IQCF3: variants seen among roughly 807,000 people sequenced by gnomAD.
IQCF3 encodes the protein IQ domain-containing protein F3.
A neutral mutation model predicts 5.1 loss-of-function variants in IQCF3; 7 were observed. That is an observed-to-expected ratio of 1.36 (90% CI 0.78 to 2.56). IQCF3 has a LOEUF of 2.56. Among genes scored for constraint, IQCF3 ranks in the 30% most tolerant of loss-of-function variants. The probability of loss-of-function intolerance (pLI) is 0.00; values close to 1 mark genes in which losing one functional copy is unlikely to be tolerated. For missense variants in IQCF3, 189 were observed against 196.5 expected, an observed-to-expected ratio of 0.96 and a Z score of 0.23; for synonymous variants, 82 against 72.8, an observed-to-expected ratio of 1.13 and a Z score of -0.64.
Position 51,830,350 on chromosome 3 carries a change from C to G in IQCF3, c.67-53C>G. ...AGAGGGCTGATTCTTTAGAGAACCACCTGTGCTTGATGGTGATAAATTCAC... is the reference window on the plus strand; with the variant it reads ...AGAGGGCTGATTCTTTAGAGAACCAGCTGTGCTTGATGGTGATAAATTCAC... On this transcript the variant is annotated intron_variant, in intron 2 of 2. Coordinates refer to ENST00000440739, the MANE Select transcript of IQCF3 (RefSeq NM_001393887.1). This position sits in a 1 kb window ranked among gnomAD's most constrained non-coding sequence, Gnocchi z 4.1. 1 of 1,511,416 alleles carries G rather than the reference C, an allele frequency of 6.6e-7. No homozygotes were observed. Among genetic ancestry groups the G allele is most frequent in the Non-Finnish European group, 8.8e-7 (1 of 1,131,132 alleles). The allele number at this position is 1,511,416 out of a possible 1,614,324, so 93.6% of individuals were successfully genotyped here. A position where few individuals can be genotyped will look rare whatever the true frequency, so the allele number is the denominator to read the frequency against.
Position 51,830,556 on chromosome 3 carries a change from C to T in IQCF3, c.220C>T (p.Arg74Trp), listed in dbSNP as rs200102944. 111 of 1,613,964 alleles carry T rather than the reference C, an allele frequency of 6.9e-5. No homozygotes were observed. Among genetic ancestry groups the T allele is most frequent in the Middle Eastern group, 1.6e-4 (1 of 6,062 alleles). ...CTGGTGGAGGACGTTGGTGCAGAGACGGATCCGTCAGCGGCGGCAGGCCCT... is the reference window on the plus strand; with the variant it reads ...CTGGTGGAGGACGTTGGTGCAGAGATGGATCCGTCAGCGGCGGCAGGCCCT... ...QCWWRTLVQR[R>W]IRQRRQALLR... The change falls in exon 3 of 3, where the codon CGG (arginine) becomes TGG (tryptophan). Residue 74 changes from arginine to tryptophan, a missense_variant. By Grantham distance (101) the Arg-to-Trp change is moderately radical. Coordinates refer to ENST00000440739, the MANE Select transcript of IQCF3 (RefSeq NM_001393887.1). The surrounding 1 kb of genome is among the most constrained non-coding windows in gnomAD (Gnocchi z 4.1).
intron 2 of IQCF3, 90 bp downstream of exon 2, chr3:51,829,802 C>A: frequency 7.7e-7 from 1 of 1,299,888 alleles, no homozygotes; most frequent in East Asian, 2.4e-5. Context: ...TCTGGCTCAG[C>A]ATTGCCCTCT....
upstream of IQCF3, chr3:51,828,882 A>T (rs1230464589): frequency 1.3e-5 from 2 of 152,536 alleles, no homozygotes; most frequent in African/African-American, 4.8e-5. Flanking sequence ...TTCCTGCTTC[A>T]GTCTCGGGAG....
At position 51,829,502 on chromosome 3, in the gene IQCF3, CA is replaced by C; in HGVS notation, c.18+10del. On this transcript the variant is annotated intron_variant, in intron 1 of 2. Coordinates refer to ENST00000440739, the MANE Select transcript of IQCF3 (RefSeq NM_001393887.1). ...TGGGCAGTAAATGCTGTGTAAGACT[CA>C]GGCACACAAACTCCCCCAGGGGTGG... The C allele has an allele frequency of 6.3e-7, 1 of 1,597,986 alleles. No individual in the cohort carries two copies. Among genetic ancestry groups the C allele is most frequent in the Non-Finnish European group, 8.5e-7 (1 of 1,172,254 alleles).
At chr3:51,829,153 G>A (rs560456698), upstream of IQCF3, 2 of 363,110 alleles carry the variant, frequency 5.5e-6, no homozygotes, top group Admixed American at 4.3e-5. Flanking sequence ...ATTGTAAAGG[G>A]GCAATGGATT....
At chr3:51,828,327 T>C (rs544338225), upstream of IQCF3, 1 of 143,010 alleles carries the variant, frequency 7.0e-6, no homozygotes, top group South Asian at 2.1e-4. Flanking sequence ...ATGGCTCTTA[T>C]TATTTTGAGG....
rs780495948 is a variant in IQCF3, at chr3:51,830,499, GT to G, written c.165del (p.Ala56LeufsTer7). The G allele has an allele frequency of 6.2e-7, 1 of 1,613,922 alleles. No individual in the cohort carries two copies. Among genetic ancestry groups the G allele is most frequent in the Non-Finnish European group, 8.5e-7 (1 of 1,179,842 alleles). On this transcript the variant is annotated frameshift_variant, in exon 3 of 3. Coordinates refer to ENST00000440739, the MANE Select transcript of IQCF3 (RefSeq NM_001393887.1). LOFTEE classifies it low-confidence loss of function (END_TRUNC). This position sits in a 1 kb window ranked among gnomAD's most constrained non-coding sequence, Gnocchi z 4.1. Reference sequence around the variant, plus strand: ...GGTCCTGGTGCGCAGGACCCTGCTGGTTGCTGCCCTCAGGGCCTGGATGATT... The same window carrying G: ...GGTCCTGGTGCGCAGGACCCTGCTGGTGCTGCCCTCAGGGCCTGGATGATT... ...RGVLVRRTLL[V>X]AALRAWMIQC... is the part of the protein sequence containing the mutation.
rs199520259 is a variant in IQCF3 at position 51,830,693 on chromosome 3, C to T, written c.357C>T (p.Phe119=). Residue 119 remains phenylalanine (F), a synonymous_variant, in exon 3 of 3, where the codon TTC becomes TTT. Coordinates refer to ENST00000440739, the MANE Select transcript of IQCF3 (RefSeq NM_001393887.1). This position sits in a 1 kb window ranked among gnomAD's most constrained non-coding sequence, Gnocchi z 4.1. ...AAATGTGCAATGCTCTCTGCTTGTT[C>T]CAGGTCCCAGAGAGCAGCCTTGCCT... The part of the protein sequence containing the change: ...YRQMCNALCL[F]QVPESSLAFQ... The T allele has an allele frequency of 8.1e-6, 13 of 1,613,892 alleles. No individual in the cohort carries two copies. The highest frequency in any genetic ancestry group is 1.3e-5 in the African/African-American group (1 of 74,922).
At position 51,829,449 on chromosome 3, in the gene IQCF3, T is replaced by G; in HGVS notation, c.-27T>G. 1 of 1,592,464 alleles carries G rather than the reference T, an allele frequency of 6.3e-7. No individual in the cohort carries two copies. The highest frequency in any genetic ancestry group is 1.1e-5 in the South Asian group (1 of 87,162). ...TCAGGAAACAGCAACCAGAGGGAGA[T>G]GATCACCTGAACCACTGCTCCAAAC... On this transcript the variant is annotated 5_prime_UTR_variant, in exon 1 of 3. It removes an upstream start codon present in the reference 5' UTR. Coordinates refer to ENST00000440739, the MANE Select transcript of IQCF3 (RefSeq NM_001393887.1).
upstream of IQCF3, chr3:51,829,283 C>A: frequency 8.0e-6 from 5 of 624,154 alleles, no homozygotes; most frequent in Non-Finnish European, 1.5e-5. Flanking sequence ...GAGAGTTGCC[C>A]AAGGAAGTCA....
upstream of IQCF3, chr3:51,829,412 C>A (rs1425294974): frequency 1.9e-6 from 3 of 1,553,764 alleles, no homozygotes; most frequent in African/African-American, 1.4e-5. Context: ...ACCTTTCCTG[C>A]CCCTGCCAAG....
chr3:51,827,845 G>A (rs927685826), upstream of IQCF3, among the ~76,000 whole-genome samples: 4 of 152,016 alleles, frequency 2.6e-5, no homozygotes, highest in Admixed American at 6.6e-5. Context: ...CCCAGTGTCT[G>A]TTGTTTCCCT....
chr3:51,829,527 G>T, intron 1 of IQCF3, 34 bp downstream of exon 1: 2 of 1,596,336 alleles, frequency 1.3e-6, no homozygotes, highest in East Asian at 2.3e-5. Context: ...CCCCAGGGGT[G>T]GGAGTTGTCC....
Position 51,830,782 on chromosome 3 carries a change from T to C in IQCF3, c.446T>C (p.Ile149Thr), listed in dbSNP as rs1414150137. 7 of 1,582,758 alleles carry C rather than the reference T, an allele frequency of 4.4e-6. No homozygotes were observed. In the Admixed American group the frequency reaches 1.0e-4, roughly 23 times the overall value. Reference protein sequence around the residue: ...AIPSKQPEFHIEILSI With the variant: ...AIPSKQPEFHTEILSI The stretch of plus-strand genomic sequence containing the variant: ...CCTTCAAAGCAGCCAGAGTTCCACA[T>C]TGAAATCCTATCAATCTGAAAGGCC... Residue 149 changes from isoleucine to threonine, a missense_variant, in exon 3 of 3, where the codon ATT (isoleucine) becomes ACT (threonine). Coordinates refer to ENST00000440739, the MANE Select transcript of IQCF3 (RefSeq NM_001393887.1). This position sits in a 1 kb window ranked among gnomAD's most constrained non-coding sequence, Gnocchi z 4.1.
Position 51,830,465 on chromosome 3 carries a change from G to T in IQCF3, c.129G>T (p.Trp43Cys). ...AGGCAGCTGGGCAGATCCAGGCCTGGTGGCGTGGGGTCCTGGTGCGCAGGA... is the reference window on the plus strand; with the variant it reads ...AGGCAGCTGGGCAGATCCAGGCCTGTTGGCGTGGGGTCCTGGTGCGCAGGA... ...RVKAAGQIQA[W>C]WRGVLVRRTL... The change falls in exon 3 of 3, where the codon TGG (tryptophan) becomes TGT (cysteine). Residue 43 changes from tryptophan to cysteine, a missense_variant. Coordinates refer to ENST00000440739, the MANE Select transcript of IQCF3 (RefSeq NM_001393887.1). This position sits in a 1 kb window ranked among gnomAD's most constrained non-coding sequence, Gnocchi z 4.1. The T allele has an allele frequency of 6.2e-7, 1 of 1,604,356 alleles. No homozygotes were observed. The highest frequency in any genetic ancestry group is 1.1e-5 in the South Asian group (1 of 89,426).
Position 51,830,711 on chromosome 3 carries a change from C to A in IQCF3, c.375C>A (p.Ser125Arg), listed in dbSNP as rs367973088. The A allele has an allele frequency of 3.1e-6, 5 of 1,613,886 alleles. No individual in the cohort carries two copies. The highest frequency in any genetic ancestry group is 8.5e-7 in the Non-Finnish European group (1 of 1,179,816). Residue 125 changes from serine to arginine, a missense_variant, in exon 3 of 3, where the codon AGC (serine) becomes AGA (arginine). Coordinates refer to ENST00000440739, the MANE Select transcript of IQCF3 (RefSeq NM_001393887.1). This position sits in a 1 kb window ranked among gnomAD's most constrained non-coding sequence, Gnocchi z 4.1. ...ALCLFQVPES[S>R]LAFQTDGFLQ... is the part of the protein sequence containing the mutation. ...GCTTGTTCCAGGTCCCAGAGAGCAG[C>A]CTTGCCTTCCAGACTGATGGCTTTT...
At position 51,830,474 on chromosome 3, in the gene IQCF3, G is replaced by T. The variant is rs200723100; in HGVS notation, c.138G>T (p.Gly46=). ...AAGQIQAWWR[G]VLVRRTLLVA... Reference sequence around the variant, plus strand: ...GGCAGATCCAGGCCTGGTGGCGTGGGGTCCTGGTGCGCAGGACCCTGCTGG... The same window carrying T: ...GGCAGATCCAGGCCTGGTGGCGTGGTGTCCTGGTGCGCAGGACCCTGCTGG... The change falls in exon 3 of 3, where the codon GGG becomes GGT. Residue 46 remains glycine (G), a synonymous_variant. Transcript: ENST00000440739. This position sits in a 1 kb window ranked among gnomAD's most constrained non-coding sequence, Gnocchi z 4.1. The T allele has an allele frequency of 1.6e-5, 26 of 1,608,658 alleles. No individual in the cohort carries two copies. In the East Asian group the frequency reaches 5.8e-4, roughly 36 times the overall value.
In IQCF3 at chr3:51,830,502, G is replaced by T; in HGVS notation, c.166G>T (p.Ala56Ser). Residue 56 changes from alanine to serine, a missense_variant, in exon 3 of 3, where the codon GCT (alanine) becomes TCT (serine). Transcript: ENST00000440739. This position sits in a 1 kb window ranked among gnomAD's most constrained non-coding sequence, Gnocchi z 4.1. ...GVLVRRTLLVAALRAWMIQCW... is the reference protein window; with the variant it reads ...GVLVRRTLLVSALRAWMIQCW... ...CCTGGTGCGCAGGACCCTGCTGGTT[G>T]CTGCCCTCAGGGCCTGGATGATTCA... 1 of 1,613,960 alleles carries T rather than the reference G, an allele frequency of 6.2e-7. No homozygotes were observed. The highest frequency in any genetic ancestry group is 8.5e-7 in the Non-Finnish European group (1 of 1,179,866).
In IQCF3 at chr3:51,830,698, T is replaced by C. The variant is rs1481482740; in HGVS notation, c.362T>C (p.Val121Ala). The change falls in exon 3 of 3, where the codon GTC becomes GCC. Residue 121 changes from valine to alanine, a missense_variant. By Grantham distance (64) the Val-to-Ala change is moderately conservative. Transcript: ENST00000440739. The surrounding 1 kb of genome is among the most constrained non-coding windows in gnomAD (Gnocchi z 4.1). Reference protein sequence around the residue: ...QMCNALCLFQVPESSLAFQTD... With the variant: ...QMCNALCLFQAPESSLAFQTD... ...TGCAATGCTCTCTGCTTGTTCCAGG[T>C]CCCAGAGAGCAGCCTTGCCTTCCAG... 1 of 1,613,982 alleles carries C rather than the reference T, an allele frequency of 6.2e-7. No individual in the cohort carries two copies. The highest frequency in any genetic ancestry group is 1.1e-5 in the South Asian group (1 of 91,072).
Sources: allele counts gnomAD v4.1 joint callset (sites outside exome capture counted in the v4.1 genomes callset), GRCh38; gene constraint gnomAD v4.1.1; non-coding constraint Gnocchi (gnomAD v3.1); transcripts MANE v1.5; gene names NCBI Gene and HGNC (gene_info 2026-07-23, HGNC 2026-07-21).